Variants in PPP2CB observed in about 807,000 individuals in gnomAD.
PPP2CB encodes protein phosphatase 2 catalytic subunit beta, also known as serine/threonine-protein phosphatase 2A catalytic subunit beta isoform.
In PPP2CB, 18 loss-of-function variants were observed where a neutral mutation model predicts 39.1. That is an observed-to-expected ratio of 0.46 (90% CI 0.32 to 0.68). The LOEUF is 0.68. PPP2CB is among the 30% of genes least tolerant of loss of function. The pLI, the probability that PPP2CB is intolerant of heterozygous loss-of-function variation, is 0.04. For missense variants in PPP2CB, 226 were observed against 396.9 expected (o/e 0.57, Z 3.66); for synonymous variants, 129 against 133.8 (o/e 0.96, Z 0.25).
chr8:30,802,835 T>C (rs920565441), intron 1 of PPP2CB, among the ~76,000 whole-genome samples: 2 of 152,140 alleles, frequency 1.3e-5, no homozygotes, highest in Admixed American at 6.5e-5. Context: ...GGATATATTA[T>C]GCTAAAAGAG....
chr8:30,798,378 G>A (rs1057368705), intron 2 of PPP2CB, among the ~76,000 whole-genome samples: 1 of 152,206 alleles, frequency 6.6e-6, no homozygotes, highest in Non-Finnish European at 1.5e-5. Flanking sequence ...AAAGCTGCAA[G>A]TATGTACTTC....
intron 1 of PPP2CB, among the ~76,000 whole-genome samples, chr8:30,811,138 ACAAT>A (rs1806819003): frequency 6.6e-6 from 1 of 152,230 alleles, no homozygotes; most frequent in African/African-American, 2.4e-5. Flanking sequence ...GGTTAAGAAA[ACAAT>A]GGATACAGAA....
intron 2 of PPP2CB, among the ~76,000 whole-genome samples, chr8:30,798,336 C>A (rs906000984): frequency 6.6e-6 from 1 of 152,128 alleles, no homozygotes; most frequent in Admixed American, 6.5e-5. Flanking sequence ...ATAAGAAATA[C>A]GAAAAAGCAC....
intron 1 of PPP2CB, among the ~76,000 whole-genome samples, chr8:30,804,743 A>T (rs1806689850): frequency 6.6e-6 from 1 of 152,116 alleles, no homozygotes; most frequent in Admixed American, 6.6e-5. Context: ...TGCTGTTCTG[A>T]AGGTACATCA....
At position 30,793,730 on chromosome 8, in the gene PPP2CB, T is replaced by G. The variant is rs1806477032; in HGVS notation, c.738+187A>C. 3 of 541,310 alleles carry G rather than the reference T, an allele frequency of 5.5e-6. No individual in the cohort carries two copies. In the Admixed American group the frequency reaches 1.1e-4, roughly 21 times the overall value. 33.5% of individuals were successfully genotyped at this position (541,310 alleles called of 1,614,324 possible). ...TGTAACTTTTTTCTAAGTCTCAATT[T>G]CAAAAATGAGTTATAATTCTGCTCT... is the stretch of plus-strand genomic sequence containing the variant. On this transcript the variant is annotated intron_variant, in intron 5 of 6. Transcript: ENST00000221138.
At chr8:30,787,112 T>TC (rs1563574137) in intron 6 of PPP2CB, among the ~76,000 whole-genome samples, 1 of 152,254 alleles carries the variant, frequency 6.6e-6, no homozygotes, top group Non-Finnish European at 1.5e-5. Context: ...AACCTAGCAT[T>TC]CCTGGGATAA....
At chr8:30,787,618 A>G (rs746396784) in intron 6 of PPP2CB, among the ~76,000 whole-genome samples, 4 of 152,198 alleles carry the variant, frequency 2.6e-5, no homozygotes, top group Non-Finnish European at 5.9e-5. Flanking sequence ...TACTGGTTAG[A>G]GCCACCGCAC....
At chr8:30,803,470 AG>A (rs1806659768) in intron 1 of PPP2CB, among the ~76,000 whole-genome samples, 1 of 152,046 alleles carries the variant, frequency 6.6e-6, no homozygotes, top group Non-Finnish European at 1.5e-5. Context: ...GCTTGAGTCC[AG>A]GAGTACAAGG....
chr8:30,809,380 A>T (rs1442807246), intron 1 of PPP2CB, among the ~76,000 whole-genome samples: 1 of 152,064 alleles, frequency 6.6e-6, no homozygotes, highest in East Asian at 1.9e-4. Flanking sequence ...AACAAGGAGG[A>T]TGGGGTAGGG....
rs1272568853 is a variant in PPP2CB, at chr8:30,786,200, C to T, written c.*35G>A. 4 of 1,474,404 alleles carry T rather than the reference C, an allele frequency of 2.7e-6. No individual in the cohort carries two copies. Among genetic ancestry groups the T allele is most frequent in the African/African-American group, 1.4e-5 (1 of 70,464 alleles). 91.3% of individuals were successfully genotyped at this position (1,474,404 alleles called of 1,614,324 possible). A position where few individuals can be genotyped will look rare whatever the true frequency, so the allele number is the denominator to read the frequency against. The stretch of plus-strand genomic sequence containing the variant: ...CATATATTTTAAAAAGCCAGGTATA[C>T]TTCCACATACAAAGGCAGGTTTCCC... On this transcript the variant is annotated 3_prime_UTR_variant, in exon 7 of 7. Coordinates refer to ENST00000221138, the MANE Select transcript of PPP2CB (RefSeq NM_001009552.2).
intron 4 of PPP2CB, 43 bp downstream of exon 4, chr8:30,794,149 A>G (rs760083522): frequency 8.7e-6 from 14 of 1,607,980 alleles, no homozygotes; most frequent in Non-Finnish European, 1.2e-5. Context: ...AAATGTGGTT[A>G]TATTTTCTTT....
intron 1 of PPP2CB, among the ~76,000 whole-genome samples, chr8:30,809,223 A>G (rs145075612): frequency 3.5e-3 from 531 of 151,942 alleles, no homozygotes; most frequent in Non-Finnish European, 5.8e-3. Context: ...CAATGAATAT[A>G]TATCTTAGCA....
At position 30,812,376 on chromosome 8, in the gene PPP2CB, G is replaced by A. The variant is rs1806851742; in HGVS notation, c.46C>T (p.Gln16Ter). 1 of 1,562,666 alleles carries A rather than the reference G, an allele frequency of 6.4e-7. No homozygotes were observed. The highest frequency in any genetic ancestry group is 8.7e-7 in the Non-Finnish European group (1 of 1,151,566). ...FTKELDQWVE[Q>*]LNECKQLNEN... is the part of the protein sequence containing the mutation. The stretch of plus-strand genomic sequence containing the variant: ...TTCAGCTGCTTACACTCGTTCAGCT[G>A]CTCGACCCACTGGTCCAGCTCCTTG... Residue 16 changes from glutamine to a stop codon, truncating the protein, a stop_gained, in exon 1 of 7, where the codon CAG becomes TAG. Transcript: ENST00000221138. LOFTEE classifies it high-confidence loss of function.
chr8:30,785,739 A>T lies in PPP2CB; in HGVS notation c.*496T>A, dbSNP rs1586118505. 7.9e-6 allele frequency: 2 copies of T among 253,220 alleles called. No individual in the cohort carries two copies. Among genetic ancestry groups the T allele is most frequent in the East Asian group, 2.2e-4 (2 of 9,102 alleles). 15.7% of individuals were successfully genotyped at this position (253,220 alleles called of 1,614,324 possible). A position where few individuals can be genotyped will look rare whatever the true frequency, so the allele number is the denominator to read the frequency against. On this transcript the variant is annotated 3_prime_UTR_variant, in exon 7 of 7. Transcript: ENST00000221138. ...AGTAATTTAGTTTAAATGAAGGGAA[A>T]TCTCTTTAAATGTTATGACAACATA...
intron 1 of PPP2CB, among the ~76,000 whole-genome samples, chr8:30,800,083 C>CA (rs1204657613): frequency 6.6e-6 from 1 of 152,110 alleles, no homozygotes; most frequent in Non-Finnish European, 1.5e-5. Flanking sequence ...GGTATATACT[C>CA]AAGAGAAATG....
intron 6 of PPP2CB, among the ~76,000 whole-genome samples, chr8:30,789,137 T>C (rs1357126449): frequency 1.3e-5 from 2 of 152,032 alleles, no homozygotes; most frequent in African/African-American, 4.8e-5. Flanking sequence ...TTCAAGCGAT[T>C]CTCCTGCCTC....
rs1414907630 is a variant in PPP2CB, at chr8:30,811,334, T to TTC, written c.102+985_102+986insGA. ...TTTCCAGCAAACACTGTTCCCAAACTTAAGATCGGCTCTCGTTTCTGAAAA... is the reference window on the plus strand; with the variant it reads ...TTTCCAGCAAACACTGTTCCCAAACTTCTAAGATCGGCTCTCGTTTCTGAAAA... On this transcript the variant is annotated intron_variant, in intron 1 of 6. Transcript: ENST00000221138. 5.9e-5 allele frequency among the ~76,000 whole-genome samples: 9 copies of TTC among 152,274 alleles called. No homozygotes were observed. In the East Asian group the frequency reaches 1.7e-3, roughly 29 times the overall value.
intron 3 of PPP2CB, among the ~76,000 whole-genome samples, chr8:30,797,169 T>C (rs902035584): frequency 1.6e-4 from 25 of 152,174 alleles, no homozygotes; most frequent in Admixed American, 3.3e-4. Flanking sequence ...TAATACACAA[T>C]ATAACATTTG....
At position 30,799,160 on chromosome 8, in the gene PPP2CB, G is replaced by A. The variant is rs1453291787; in HGVS notation, c.312+386C>T. Reference sequence around the variant, plus strand: ...TGGATTTGGGGGGGATCAGATCTTGGAGGCAGAAATATTAGTTACTAAGCT... The same window carrying A: ...TGGATTTGGGGGGGATCAGATCTTGAAGGCAGAAATATTAGTTACTAAGCT... On this transcript the variant is annotated intron_variant, in intron 2 of 6. Transcript: ENST00000221138. 2.0e-5 allele frequency among the ~76,000 whole-genome samples: 3 copies of A among 152,188 alleles called. No homozygotes were observed. The East Asian group carries it at 5.8e-4, about 29-fold the overall frequency.
Sources: allele counts gnomAD v4.1 joint callset (sites outside exome capture counted in the v4.1 genomes callset), GRCh38; gene constraint gnomAD v4.1.1; transcripts MANE v1.5; gene names NCBI Gene and HGNC (gene_info 2026-07-23, HGNC 2026-07-21).